Variants in KLF12 observed in about 807,000 individuals in gnomAD.
The protein encoded by KLF12 is KLF transcription factor 12.
A neutral mutation model predicts 37.8 loss-of-function variants in KLF12; 9 were observed. That is an observed-to-expected ratio of 0.24 (90% CI 0.14 to 0.42). The LOEUF (loss-of-function observed/expected upper bound fraction) is 0.42. Ranked by LOEUF, KLF12 falls within the 10% of genes least tolerant of loss-of-function variation. The pLI is 1.00. For synonymous variants in KLF12, 208 were observed against 202.1 expected (o/e 1.03, Z -0.25); for missense variants, 411 against 516.0 (o/e 0.80, Z 1.97).
the KLF12 span, among the ~76,000 whole-genome samples, chr13:74,305,854 C>T: frequency 6.6e-6 from 1 of 152,042 alleles, no homozygotes; most frequent in Non-Finnish European, 1.5e-5. Flanking sequence ...TACCAGCTGT[C>T]TCTACAATTC....
chr13:73,727,984 G>A (rs978771882), intron 6 of KLF12, among the ~76,000 whole-genome samples: 3 of 152,128 alleles, frequency 2.0e-5, no homozygotes, highest in African/African-American at 2.4e-5. Context: ...GGCGTGTGCC[G>A]CCGTGGCCAG....
At chr13:74,052,467 C>T (rs968402964) in intron 1 of KLF12, among the ~76,000 whole-genome samples, 2 of 151,924 alleles carry the variant, frequency 1.3e-5, no homozygotes, top group African/African-American at 2.4e-5. Flanking sequence ...AATAAGTTTT[C>T]GGACACTACA....
the KLF12 span, among the ~76,000 whole-genome samples, chr13:74,248,061 A>G: frequency 6.6e-6 from 1 of 152,316 alleles, no homozygotes; most frequent in Non-Finnish European, 1.5e-5. Context: ...CAAGCTCCTC[A>G]ATCAACCTGC....
chr13:73,874,773 A>AT (rs1343312657), intron 3 of KLF12, among the ~76,000 whole-genome samples: 4 of 152,192 alleles, frequency 2.6e-5, no homozygotes, highest in Admixed American at 2.6e-4. Flanking sequence ...CTTGAAAATA[A>AT]TATTTTCTTC....
chr13:74,115,025 C>A (rs1274794648), intron 1 of KLF12, among the ~76,000 whole-genome samples: 1 of 152,160 alleles, frequency 6.6e-6, no homozygotes, highest in Non-Finnish European at 1.5e-5. Flanking sequence ...CATTCCCACT[C>A]TTTCCCAGTC....
At chr13:74,033,783 T>C (rs1179967403) in intron 1 of KLF12, among the ~76,000 whole-genome samples, 1 of 152,168 alleles carries the variant, frequency 6.6e-6, no homozygotes, top group African/African-American at 2.4e-5. Context: ...ATAATTATAT[T>C]TTTGGAATAT....
the KLF12 span, among the ~76,000 whole-genome samples, chr13:74,299,369 C>T: frequency 4.6e-5 from 7 of 152,142 alleles, 1 homozygote; most frequent in Admixed American, 2.0e-4. Context: ...GACTTTCTGT[C>T]CTTTCACCCT....
In KLF12 at chr13:74,133,833, GCA is replaced by G. The variant is rs36102647; in HGVS notation, c.-128_-127del. On this transcript the variant is annotated 5_prime_UTR_variant, in exon 1 of 8. Coordinates refer to ENST00000377669, the MANE Select transcript of KLF12 (RefSeq NM_007249.5). ...CTTTCTCTCTCTCACACGCGCGCGC[GCA>G]CACACACACACACACTCGCACACAC... Among the ~76,000 whole-genome samples, 115,113 of 150,546 alleles carry G rather than the reference GCA, an allele frequency of 0.76. 44,857 individuals are homozygous for G. Among genetic ancestry groups the G allele is most frequent in the East Asian group, 0.93 (4,685 of 5,042 alleles).
intron 1 of KLF12, among the ~76,000 whole-genome samples, chr13:74,104,488 T>A (rs1377659882): frequency 2.0e-5 from 3 of 152,194 alleles, no homozygotes; most frequent in African/African-American, 4.8e-5. Context: ...ACTTTCTTGA[T>A]CAATTCAGAT....
At chr13:74,067,651 C>T (rs1873991973) in intron 1 of KLF12, among the ~76,000 whole-genome samples, 1 of 152,152 alleles carries the variant, frequency 6.6e-6, no homozygotes, top group East Asian at 1.9e-4. Context: ...TGAGCACTCA[C>T]TCTACTTGGT....
chr13:74,219,641 T>G, the KLF12 span, among the ~76,000 whole-genome samples: 3 of 152,206 alleles, frequency 2.0e-5, no homozygotes, highest in East Asian at 1.9e-4. Flanking sequence ...AAGAAATAAT[T>G]TCTTTAATGT....
intron 3 of KLF12, among the ~76,000 whole-genome samples, chr13:73,936,585 ATTC>A (rs1280730674): frequency 2.0e-5 from 3 of 151,962 alleles, no homozygotes; most frequent in Non-Finnish European, 4.4e-5. Context: ...CCTCTACAGT[ATTC>A]TTCTCACAAA....
the KLF12 span, among the ~76,000 whole-genome samples, chr13:74,245,331 A>G: frequency 6.7e-6 from 1 of 149,038 alleles, no homozygotes; most frequent in Non-Finnish European, 1.5e-5. Flanking sequence ...CTATCTATCT[A>G]TCTATCTATC....
chr13:73,767,138 C>T (rs879450460), intron 5 of KLF12, among the ~76,000 whole-genome samples: 2 of 152,244 alleles, frequency 1.3e-5, no homozygotes, highest in Admixed American at 6.5e-5. Flanking sequence ...AAGCCTTGCA[C>T]TTCACCAACC....
At chr13:73,913,872 CAT>C (rs1257552957) in intron 3 of KLF12, among the ~76,000 whole-genome samples, 5 of 152,150 alleles carry the variant, frequency 3.3e-5, no homozygotes, top group African/African-American at 7.2e-5. Flanking sequence ...GTGATACAAA[CAT>C]ATTATAATTG....
intron 1 of KLF12, among the ~76,000 whole-genome samples, chr13:74,024,459 A>C (rs1892920644): frequency 6.6e-6 from 1 of 152,200 alleles, no homozygotes; most frequent in African/African-American, 2.4e-5. Context: ...ATGCTCAAGA[A>C]CTTATTTTTG....
At chr13:73,704,617 C>T (rs1001360423) in intron 7 of KLF12, among the ~76,000 whole-genome samples, 2 of 152,186 alleles carry the variant, frequency 1.3e-5, no homozygotes, top group Non-Finnish European at 2.9e-5. Context: ...GTCTTGCCTC[C>T]TATGCACACC....
intron 1 of KLF12, among the ~76,000 whole-genome samples, chr13:74,065,853 CT>C (rs1873883686): frequency 6.6e-6 from 1 of 151,922 alleles, no homozygotes; most frequent in South Asian, 2.1e-4. Flanking sequence ...AGGATTCTAA[CT>C]GGAGTTAGAA....
the KLF12 span, among the ~76,000 whole-genome samples, chr13:74,198,665 T>C: frequency 1.3e-5 from 2 of 152,212 alleles, no homozygotes; most frequent in Non-Finnish European, 2.9e-5. Context: ...TATTGTATTT[T>C]ACAAAAATGT....
Sources: gnomAD v4.1 joint callset for allele counts (sites outside exome capture counted in the v4.1 genomes callset) on GRCh38, gnomAD v4.1.1 for gene constraint, MANE v1.5 for transcripts, NCBI Gene and HGNC (gene_info 2026-07-23, HGNC 2026-07-21) for gene names.